The following ENDOV variants were observed in gnomAD, a reference collection of about 807,000 sequenced individuals.
The protein encoded by ENDOV is hEndoV.
Under a neutral mutation model 39.4 loss-of-function variants are expected in ENDOV, and 37 were observed. The ratio of observed to expected loss-of-function variants is 0.94; its 90% CI spans 0.72 to 1.23. The LOEUF is 1.23. Ranked by LOEUF, ENDOV falls within the 50% of genes most tolerant of loss-of-function variation. The pLI is 0.00. For missense variants in ENDOV, 441 were observed against 375.7 expected (o/e 1.17, Z -1.44); for synonymous variants, 186 against 163.4 (o/e 1.14, Z -1.05).
At position 80,415,256 on chromosome 17, in the gene ENDOV, G is replaced by C. The variant is rs375793664; in HGVS notation, c.56+6G>C. On this transcript the variant is annotated splice_donor_region_variant and intron_variant, in intron 1 of 9. Coordinates refer to ENST00000518137, the MANE Select transcript of ENDOV (RefSeq NM_173627.5). The stretch of plus-strand genomic sequence containing the variant: ...ACGCTGTCACTGTGGAAACGGTAAT[G>C]CTGTCAGGCGACGCGCAGGAGGCGG... 1,095 of 1,613,294 alleles carry C rather than the reference G, an allele frequency of 6.8e-4. No individual in the cohort carries two copies. Among genetic ancestry groups the C allele is most frequent in the Non-Finnish European group, 8.8e-4 (1,037 of 1,179,666 alleles).
chr17:80,423,474 G>GGCCC, intron 4 of ENDOV, 46 bp from the exon 5 acceptor site: 1 of 1,449,938 alleles, frequency 6.9e-7, no homozygotes, highest in Non-Finnish European at 9.4e-7. Context: ...CCTGTGCCAG[G>GGCCC]CCCCAGCCCC....
At chr17:80,435,683 C>T (rs1257956614) in intron 9 of ENDOV, among the ~76,000 whole-genome samples, 5 of 151,892 alleles carry the variant, frequency 3.3e-5, no homozygotes, top group African/African-American at 1.2e-4. Flanking sequence ...GGCGTGATCT[C>T]GGCTCACTGC....
At chr17:80,417,222 A>G (rs1267144255) in intron 2 of ENDOV, 2 of 152,326 alleles carry the variant, frequency 1.3e-5, no homozygotes, top group East Asian at 1.9e-4. Context: ...CCCACCTCCT[A>G]CAGCCCACTG....
chr17:80,432,770 G>A (rs2083405924), intron 9 of ENDOV, among the ~76,000 whole-genome samples: 1 of 152,064 alleles, frequency 6.6e-6, no homozygotes, highest in South Asian at 2.1e-4. Context: ...GAGTCATGGG[G>A]GCGTGTGGGG....
intron 5 of ENDOV, 33 bp from the exon 6 acceptor site, chr17:80,424,999 G>GT (rs758583769): frequency 6.8e-5 from 109 of 1,591,426 alleles, no homozygotes; most frequent in Non-Finnish European, 8.7e-5. Context: ...GAAGAGAGGG[G>GT]TTTTTTTCCC....
intron 6 of ENDOV, 45 bp from the exon 7 acceptor site, chr17:80,425,447 C>T (rs991322985): frequency 2.6e-6 from 4 of 1,562,562 alleles, no homozygotes; most frequent in Non-Finnish European, 3.4e-6. Context: ...GACCCTGGTC[C>T]CGGTGGCCCA....
intron 2 of ENDOV, 163 bp downstream of exon 2, chr17:80,415,984 T>C (rs1462842312): frequency 1.2e-6 from 1 of 823,040 alleles, no homozygotes; most frequent in East Asian, 3.2e-5. Flanking sequence ...ACGCCTGCAA[T>C]CCCAGCACTT....
At chr17:80,430,209 G>T in intron 9 of ENDOV, 2 of 1,472,004 alleles carry the variant, frequency 1.4e-6, no homozygotes, top group Non-Finnish European at 1.8e-6. Flanking sequence ...ATGGGGGCAA[G>T]TGCCAGATCC....
At chr17:80,435,763 C>T (rs1458814356) in intron 9 of ENDOV, among the ~76,000 whole-genome samples, 4 of 151,598 alleles carry the variant, frequency 2.6e-5, no homozygotes, top group African/African-American at 9.7e-5. Flanking sequence ...TACAGGCGCC[C>T]GCCACCACGC....
intron 9 of ENDOV, among the ~76,000 whole-genome samples, chr17:80,434,063 G>C (rs1479859237): frequency 6.6e-6 from 1 of 152,052 alleles, no homozygotes. Context: ...GTCACTCCCC[G>C]TTCTCCCTTC....
chr17:80,422,977 G>T (rs1013114190), intron 4 of ENDOV, among the ~76,000 whole-genome samples: 1 of 151,926 alleles, frequency 6.6e-6, no homozygotes, highest in Non-Finnish European at 1.5e-5. Flanking sequence ...GGGATTTCAG[G>T]CGTGAGCCAC....
In ENDOV at chr17:80,415,427, G is replaced by C. The variant is rs762219511; in HGVS notation, c.56+177G>C. ...GGATCTCAGGAATTGTAGTCCGCGG[G>C]GTGGGCGCGGTTCTCGCTTCCGGCC... On this transcript the variant is annotated intron_variant, in intron 1 of 9. Transcript: ENST00000518137. The C allele has an allele frequency of 3.0e-6, 3 of 992,866 alleles. No individual in the cohort carries two copies. In the East Asian group the frequency reaches 7.9e-5, roughly 26 times the overall value. The allele number at this position is 992,866 out of a possible 1,614,324, so 61.5% of individuals were successfully genotyped here. A position where few individuals can be genotyped will look rare whatever the true frequency, so the allele number is the denominator to read the frequency against.
rs373606809 is a variant in ENDOV at position 80,415,670 on chromosome 17, C to T, written c.77C>T (p.Ala26Val). Residue 26 changes from alanine to valine, a missense_variant, in exon 2 of 10, where the codon GCC (alanine) becomes GTC (valine). By Grantham distance (64) the Ala-to-Val change is moderately conservative. Coordinates refer to ENST00000518137, the MANE Select transcript of ENDOV (RefSeq NM_173627.5). ...LWKREQARLKAHVVDRDTEAW... is the reference protein window; with the variant it reads ...LWKREQARLKVHVVDRDTEAW... The stretch of plus-strand genomic sequence containing the variant: ...CCTAGGGAGCAAGCTCGGCTGAAGG[C>T]CCACGTCGTAGACCGGGACACCGAG... The T allele has an allele frequency of 5.0e-6, 8 of 1,612,302 alleles. No homozygotes were observed. In the African/African-American group the frequency reaches 5.3e-5, roughly 11 times the overall value.
chr17:80,423,042 G>A (rs956352040), intron 4 of ENDOV, among the ~76,000 whole-genome samples: 8 of 152,220 alleles, frequency 5.3e-5, no homozygotes, highest in African/African-American at 1.7e-4. Context: ...AGCTGCGGGC[G>A]GCGCAGCAGC....
At chr17:80,423,257 C>G (rs1409922693) in intron 4 of ENDOV, among the ~76,000 whole-genome samples, 2 of 152,238 alleles carry the variant, frequency 1.3e-5, no homozygotes, top group Admixed American at 1.3e-4. Context: ...TGCAGTATCC[C>G]AGCACGCCAG....
At chr17:80,421,310 C>T (rs1178130723) in intron 2 of ENDOV, among the ~76,000 whole-genome samples, 5 of 125,524 alleles carry the variant, frequency 4.0e-5, no homozygotes, top group Non-Finnish European at 9.0e-5. Context: ...CTCATACAGA[C>T]CAGATCCCGG....
intron 2 of ENDOV, chr17:80,417,927 C>T (rs1156433456): frequency 6.6e-6 from 1 of 152,242 alleles, no homozygotes; most frequent in Admixed American, 6.5e-5. Context: ...TCGCATTGCT[C>T]CTCTGCTGAC....
Position 80,436,480 on chromosome 17 carries a change from TA to T in ENDOV, c.*340del. On this transcript the variant is annotated 3_prime_UTR_variant, in exon 10 of 10. Transcript: ENST00000518137. ...CTAATTTGTTAAGTGTTTTTATCCT[TA>T]AAGGGTACTGGATTTTGTCAAATGC... 1 of 771,932 alleles carries T rather than the reference TA, an allele frequency of 1.3e-6. No homozygotes were observed. Among genetic ancestry groups the T allele is most frequent in the Non-Finnish European group, 1.8e-6 (1 of 554,688 alleles). The allele number at this position is 771,932 out of a possible 1,614,324, so 47.8% of individuals were successfully genotyped here. A position where few individuals can be genotyped will look rare whatever the true frequency, so the allele number is the denominator to read the frequency against.
intron 9 of ENDOV, among the ~76,000 whole-genome samples, chr17:80,435,670 G>A (rs946736963): frequency 3.9e-5 from 6 of 151,926 alleles, no homozygotes; most frequent in East Asian, 1.9e-4. Context: ...GCTGGTGTGC[G>A]GTGGCGTGAT....
Sources: gnomAD v4.1 joint callset for allele counts (sites outside exome capture counted in the v4.1 genomes callset) on GRCh38, gnomAD v4.1.1 for gene constraint, MANE v1.5 for transcripts, NCBI Gene and HGNC (gene_info 2026-07-23, HGNC 2026-07-21) for gene names.